Variants in KIRREL3 observed in about 807,000 individuals in gnomAD.
The protein encoded by KIRREL3 is kirre like nephrin family adhesion molecule 3.
In KIRREL3, 36 loss-of-function variants were observed where a neutral mutation model predicts 89.7. That is an observed-to-expected ratio of 0.40 (90% CI 0.31 to 0.53). KIRREL3 has a LOEUF of 0.53. Ranked by LOEUF, KIRREL3 falls within the 20% of genes least tolerant of loss-of-function variation. The pLI is 0.49. For missense variants in KIRREL3, 864 were observed against 1,056.6 expected, an observed-to-expected ratio of 0.82 and a Z score of 2.53; for synonymous variants, 445 against 441.4, an observed-to-expected ratio of 1.01 and a Z score of -0.10.
At chr11:126,777,895 G>A (rs1051268069) in intron 1 of KIRREL3, among the ~76,000 whole-genome samples, 1 of 152,110 alleles carries the variant, frequency 6.6e-6, no homozygotes, top group Non-Finnish European at 1.5e-5. Flanking sequence ...ACCTTCCATG[G>A]TGATAGAAAT....
At chr11:126,688,835 GT>G (rs1055132792) in intron 1 of KIRREL3, among the ~76,000 whole-genome samples, 1 of 152,054 alleles carries the variant, frequency 6.6e-6, no homozygotes, top group Non-Finnish European at 1.5e-5. Context: ...CATGATAGCT[GT>G]CACAAGAAAT....
intron 1 of KIRREL3, among the ~76,000 whole-genome samples, chr11:126,604,042 T>C (rs1942779685): frequency 6.6e-6 from 1 of 152,220 alleles, no homozygotes; most frequent in Non-Finnish European, 1.5e-5. Flanking sequence ...CCTTCCTTCC[T>C]TCCTGCTTTC....
intron 1 of KIRREL3, among the ~76,000 whole-genome samples, chr11:126,809,182 G>A (rs1951301892): frequency 6.6e-6 from 1 of 152,116 alleles, no homozygotes; most frequent in Admixed American, 6.5e-5. Context: ...GCAGAGCAGA[G>A]GAGGGTCACC....
rs1376430330 is a variant in KIRREL3, at chr11:126,909,132, C to T, written c.55+91323G>A. 6.6e-6 allele frequency among the ~76,000 whole-genome samples: 1 copy of T among 152,022 alleles called. No homozygotes were observed. ...CGACACAGGGGGCCAACTGTAATTGCAATCTGAATGACCACCATGAAGACA... is the reference window on the plus strand; with the variant it reads ...CGACACAGGGGGCCAACTGTAATTGTAATCTGAATGACCACCATGAAGACA... On this transcript the variant is annotated intron_variant, in intron 1 of 16. Coordinates refer to ENST00000525144, the MANE Select transcript of KIRREL3 (RefSeq NM_032531.4). The surrounding 1 kb of genome is among the most constrained non-coding windows in gnomAD (Gnocchi z 4.5).
chr11:126,691,318 A>G (rs1946871800), intron 1 of KIRREL3, among the ~76,000 whole-genome samples: 1 of 152,234 alleles, frequency 6.6e-6, no homozygotes. Context: ...CACGTATACC[A>G]GCAGACATGT....
rs552544058 is a variant in KIRREL3, at chr11:126,462,227, G to T, written c.742+930C>A. The stretch of plus-strand genomic sequence containing the variant: ...ACACGGGCCACCGAGGGCTGGCTGG[G>T]CAGGAGTGTGGAGAGGATGTTACCA... On this transcript the variant is annotated intron_variant, in intron 6 of 16. Transcript: ENST00000525144. The surrounding 1 kb of genome is among the most constrained non-coding windows in gnomAD (Gnocchi z 4.8). Among the ~76,000 whole-genome samples the T allele has an allele frequency of 5.3e-5, 8 of 152,232 alleles. No homozygotes were observed.
intron 1 of KIRREL3, among the ~76,000 whole-genome samples, chr11:126,833,284 G>T (rs1943670018): frequency 6.6e-6 from 1 of 152,152 alleles, no homozygotes; most frequent in Non-Finnish European, 1.5e-5. Context: ...CATGAAATAG[G>T]CACACCCACA....
Position 126,689,042 on chromosome 11 carries a change from A to AAGAGAGAGAGAGAGAGAGAG in KIRREL3, c.56-126150_56-126131dup, listed in dbSNP as rs58257040. 3.1e-5 allele frequency among the ~76,000 whole-genome samples: 4 copies of AAGAGAGAGAGAGAGAGAGAG among 129,816 alleles called. No homozygotes were observed. The South Asian group carries it at 8.3e-4, about 27-fold the overall frequency. The allele number at this position is 129,816 out of a possible 152,430, so 85.2% of individuals were successfully genotyped here. ...ATGTGTGTGTGTGTAAGGGGGAGAG[A>AAGAGAGAGAGAGAGAGAGAG]AGAGAGAGAGAGAGAGAGAGAGAGA... On this transcript the variant is annotated intron_variant, in intron 1 of 16. Coordinates refer to ENST00000525144, the MANE Select transcript of KIRREL3 (RefSeq NM_032531.4). This position sits in a 1 kb window ranked among gnomAD's most constrained non-coding sequence, Gnocchi z 5.2.
intron 1 of KIRREL3, among the ~76,000 whole-genome samples, chr11:126,785,217 C>T (rs764595478): frequency 6.6e-6 from 1 of 152,138 alleles, no homozygotes; most frequent in Non-Finnish European, 1.5e-5. Flanking sequence ...TGTTTTTTGT[C>T]ATTTACACGT....
chr11:126,586,836 A>G (rs915812925), intron 1 of KIRREL3, among the ~76,000 whole-genome samples: 1 of 152,102 alleles, frequency 6.6e-6, no homozygotes, highest in African/African-American at 2.4e-5. Flanking sequence ...TTGGTAACCA[A>G]CCATCCAGGT....
chr11:126,830,207 T>C lies in KIRREL3; in HGVS notation c.55+170248A>G, dbSNP rs1406104052. 1.3e-5 allele frequency among the ~76,000 whole-genome samples: 2 copies of C among 152,178 alleles called. No individual in the cohort carries two copies. Among genetic ancestry groups the C allele is most frequent in the Non-Finnish European group, 2.9e-5 (2 of 68,028 alleles). ...TAATCACTCTGGTCAATATTTATCA[T>C]AGGTACATTTTACAAGATGAATTCT... On this transcript the variant is annotated intron_variant, in intron 1 of 16. Transcript: ENST00000525144. This position sits in a 1 kb window ranked among gnomAD's most constrained non-coding sequence, Gnocchi z 4.9.
chr11:126,927,212 G>A (rs575949483), intron 1 of KIRREL3, among the ~76,000 whole-genome samples: 2 of 150,454 alleles, frequency 1.3e-5, no homozygotes, highest in Admixed American at 6.6e-5. Context: ...TGCAGCACAC[G>A]ACACCTGGGG....
At position 126,570,799 on chromosome 11, in the gene KIRREL3, G is replaced by A. The variant is rs575446978; in HGVS notation, c.56-7887C>T. Among the ~76,000 whole-genome samples the A allele has an allele frequency of 7.9e-5, 12 of 152,322 alleles. 2 individuals are homozygous for A. In the South Asian group the frequency reaches 2.5e-3, roughly 32 times the overall value. On this transcript the variant is annotated intron_variant, in intron 1 of 16. Coordinates refer to ENST00000525144, the MANE Select transcript of KIRREL3 (RefSeq NM_032531.4). This position sits in a 1 kb window ranked among gnomAD's most constrained non-coding sequence, Gnocchi z 6.1. ...TGTCTCAGATCCTGTGTGCCTGCAGGAAATCTACATGCCCATGTGGTCATC... is the reference window on the plus strand; with the variant it reads ...TGTCTCAGATCCTGTGTGCCTGCAGAAAATCTACATGCCCATGTGGTCATC...
chr11:126,923,137 CTTCT>C (rs1947443749), intron 1 of KIRREL3, among the ~76,000 whole-genome samples: 2 of 14,442 alleles, frequency 1.4e-4, no homozygotes, highest in East Asian at 1.5e-3. Context: ...TTCTCTTCTT[CTTCT>C]TCTTCTTCTT....
chr11:126,466,664 G>A (rs1233096625), intron 5 of KIRREL3, among the ~76,000 whole-genome samples: 1 of 152,180 alleles, frequency 6.6e-6, no homozygotes, highest in African/African-American at 2.4e-5. Flanking sequence ...TATGCAAATG[G>A]AGCCTCTGGA....
chr11:126,773,081 C>T lies in KIRREL3; in HGVS notation c.56-210169G>A, dbSNP rs1950066600. ...GACTGTTGTTGACCAAAGCCATTAG[C>T]TCCTAAAATACTGGGAATGAGGGAA... On this transcript the variant is annotated intron_variant, in intron 1 of 16. Transcript: ENST00000525144. The surrounding 1 kb of genome is among the most constrained non-coding windows in gnomAD (Gnocchi z 4.2). Among the ~76,000 whole-genome samples, 1 of 152,178 alleles carries T rather than the reference C, an allele frequency of 6.6e-6. No homozygotes were observed. Among genetic ancestry groups the T allele is most frequent in the South Asian group, 2.1e-4 (1 of 4,824 alleles).
Position 126,462,705 on chromosome 11 carries a change from G to A in KIRREL3, c.742+452C>T, listed in dbSNP as rs536322320. On this transcript the variant is annotated intron_variant, in intron 6 of 16. Coordinates refer to ENST00000525144, the MANE Select transcript of KIRREL3 (RefSeq NM_032531.4). The surrounding 1 kb of genome is among the most constrained non-coding windows in gnomAD (Gnocchi z 4.8). ...AAGATTAAATGAGATAATACATGTAGATTTCCTTCTTCTTGTCCCCTTGAT... is the reference window on the plus strand; with the variant it reads ...AAGATTAAATGAGATAATACATGTAAATTTCCTTCTTCTTGTCCCCTTGAT... 6.6e-6 allele frequency among the ~76,000 whole-genome samples: 1 copy of A among 152,254 alleles called. No individual in the cohort carries two copies. The highest frequency in any genetic ancestry group is 2.4e-5 in the African/African-American group (1 of 41,536).
At position 126,471,864 on chromosome 11, in the gene KIRREL3, A is replaced by G. The variant is rs1014987154; in HGVS notation, c.591+1445T>C. 1.3e-5 allele frequency among the ~76,000 whole-genome samples: 2 copies of G among 152,206 alleles called. No individual in the cohort carries two copies. Among genetic ancestry groups the G allele is most frequent in the East Asian group, 1.9e-4 (1 of 5,198 alleles). Reference sequence around the variant, plus strand: ...ACACAACATTTTAAAGACACAATTAATACGGGGGCCAGTTCAGGGTGCTTC... The same window carrying G: ...ACACAACATTTTAAAGACACAATTAGTACGGGGGCCAGTTCAGGGTGCTTC... On this transcript the variant is annotated intron_variant, in intron 5 of 16. Transcript: ENST00000525144. The surrounding 1 kb of genome is among the most constrained non-coding windows in gnomAD (Gnocchi z 5.4).
intron 1 of KIRREL3, among the ~76,000 whole-genome samples, chr11:126,961,292 C>T (rs1218152384): frequency 6.6e-6 from 1 of 152,142 alleles, no homozygotes; most frequent in Non-Finnish European, 1.5e-5. Context: ...ACCTCTTGTG[C>T]CGAATAGTCA....
Sources: gnomAD v4.1 joint callset for allele counts (sites outside exome capture counted in the v4.1 genomes callset) on GRCh38, gnomAD v4.1.1 for gene constraint, Gnocchi (gnomAD v3.1) non-coding constraint, MANE v1.5 for transcripts, NCBI Gene and HGNC (gene_info 2026-07-23, HGNC 2026-07-21) for gene names.